UNC5D: variants seen among roughly 807,000 people sequenced by gnomAD.
The protein encoded by UNC5D is unc-5 netrin receptor D.
In UNC5D, 39 loss-of-function variants were observed where a neutral mutation model predicts 105.4. The ratio of observed to expected loss-of-function variants is 0.37; its 90% confidence interval spans 0.29 to 0.48. The LOEUF is 0.48. UNC5D is among the 20% of genes least tolerant of loss of function. The pLI, the probability that UNC5D is intolerant of heterozygous loss-of-function variation, is 0.98. For synonymous variants in UNC5D, 452 were observed against 450.4 expected (o/e 1.00, Z -0.04); for missense variants, 991 against 1,202.4 (o/e 0.82, Z 2.60).
chr8:35,616,400 A>ATG (rs1200130062), intron 4 of UNC5D, among the ~76,000 whole-genome samples: 9 of 152,160 alleles, frequency 5.9e-5, no homozygotes, highest in African/African-American at 1.9e-4. Context: ...GCATTTATGA[A>ATG]TGTGTGTGTG....
chr8:35,387,812 G>A (rs1293930391), intron 1 of UNC5D, among the ~76,000 whole-genome samples: 1 of 152,156 alleles, frequency 6.6e-6, no homozygotes, highest in African/African-American at 2.4e-5. Flanking sequence ...TATGCAAGAA[G>A]AATTAGCTAT....
rs770005378 is a variant in UNC5D at position 35,686,623 on chromosome 8, C to G, written c.998C>G (p.Thr333Arg). ...ECEHLRIREC[T>R]APPPRNGGKF... ...GAACATTTGCGGATCCGGGAGTGCA[C>G]AGCACCACCCCCGAGAAATGGGGGC... is the stretch of plus-strand genomic sequence containing the variant. Residue 333 changes from threonine (T) to arginine (R), a missense_variant, in exon 7 of 17, where the codon ACA (threonine) becomes AGA (arginine). By Grantham distance (71) the Thr-to-Arg change is moderately conservative. Transcript: ENST00000404895. The G allele has an allele frequency of 1.6e-5, 25 of 1,608,192 alleles. No individual in the cohort carries two copies. Among genetic ancestry groups the G allele is most frequent in the Non-Finnish European group, 2.1e-5 (25 of 1,178,404 alleles).
At chr8:35,463,033 G>A (rs1212812074) in intron 1 of UNC5D, among the ~76,000 whole-genome samples, 1 of 152,128 alleles carries the variant, frequency 6.6e-6, no homozygotes, top group East Asian at 1.9e-4. Flanking sequence ...TCTTTGGATT[G>A]GATAGAGGCT....
chr8:35,246,324 G>A (rs995416199), intron 1 of UNC5D, among the ~76,000 whole-genome samples: 8 of 152,246 alleles, frequency 5.3e-5, no homozygotes, highest in Admixed American at 6.5e-5. Flanking sequence ...GAAATTGCAG[G>A]ACAAGTTAAT....
At chr8:35,617,242 T>A (rs947902934) in intron 4 of UNC5D, among the ~76,000 whole-genome samples, 1 of 152,214 alleles carries the variant, frequency 6.6e-6, no homozygotes, top group East Asian at 1.9e-4. Flanking sequence ...ATCATCTGTT[T>A]AGGAAGAAAT....
intron 4 of UNC5D, among the ~76,000 whole-genome samples, chr8:35,627,596 C>T (rs568226125): frequency 6.6e-6 from 1 of 152,208 alleles, no homozygotes; most frequent in South Asian, 2.1e-4. Flanking sequence ...ATAAGAAATT[C>T]CATGAGCCAT....
rs1462861966 is a variant in UNC5D at position 35,473,810 on chromosome 8, A to C, written c.104-75482A>C. ...GTGTGTCTTTGTGTTGCTATAACAG[A>C]ATATGTGAGCCTGGCTAATGTATTG... On this transcript the variant is annotated intron_variant, in intron 1 of 16. Transcript: ENST00000404895. Among the ~76,000 whole-genome samples the C allele has an allele frequency of 3.3e-5, 5 of 152,160 alleles. 1 individual carries two copies. The South Asian group carries it at 6.2e-4, about 19-fold the overall frequency.
In UNC5D at chr8:35,350,251, T is replaced by C. The variant is rs897103171; in HGVS notation, c.103+114364T>C. Among the ~76,000 whole-genome samples the C allele has an allele frequency of 1.4e-4, 21 of 152,020 alleles. No homozygotes were observed. In the East Asian group the frequency reaches 4.1e-3, roughly 29 times the overall value. On this transcript the variant is annotated intron_variant, in intron 1 of 16. Coordinates refer to ENST00000404895, the MANE Select transcript of UNC5D (RefSeq NM_080872.4). ...GAAATAATTTAAGTGTCCATTAACT[T>C]AAGCATGGATAAACAAATTGTAGCA... is the stretch of plus-strand genomic sequence containing the variant.
At chr8:35,491,087 G>A (rs1811187161) in intron 1 of UNC5D, among the ~76,000 whole-genome samples, 1 of 151,646 alleles carries the variant, frequency 6.6e-6, no homozygotes, top group South Asian at 2.1e-4. Context: ...GAACTTCGCT[G>A]CTTTAATATT....
chr8:35,729,602 G>T (rs984013657), intron 10 of UNC5D, among the ~76,000 whole-genome samples: 2 of 152,182 alleles, frequency 1.3e-5, no homozygotes, highest in Non-Finnish European at 2.9e-5. Context: ...ATGTATTTAG[G>T]TTGACTTCCG....
intron 7 of UNC5D, among the ~76,000 whole-genome samples, chr8:35,701,920 T>C (rs1827232168): frequency 6.7e-6 from 1 of 148,590 alleles, no homozygotes; most frequent in South Asian, 2.1e-4. Flanking sequence ...CAATATATAA[T>C]ATATATATTT....
At chr8:35,240,631 G>C (rs780241021) in intron 1 of UNC5D, among the ~76,000 whole-genome samples, 1 of 152,162 alleles carries the variant, frequency 6.6e-6, no homozygotes. Flanking sequence ...TTAGGACATA[G>C]TAGGGCCTAG....
chr8:35,535,647 C>T (rs1015874542), intron 1 of UNC5D, among the ~76,000 whole-genome samples: 2 of 152,040 alleles, frequency 1.3e-5, no homozygotes, highest in South Asian at 2.1e-4. Flanking sequence ...AAAAAAAATA[C>T]GTAAAATATT....
At chr8:35,746,349 T>A (rs73586731) in intron 11 of UNC5D, among the ~76,000 whole-genome samples, 11,069 of 152,206 alleles carry the variant, frequency 0.073, 1,089 homozygotes, top group African/African-American at 0.23. Flanking sequence ...GAAAAGGGCA[T>A]ATTGTTATTA....
intron 3 of UNC5D, among the ~76,000 whole-genome samples, chr8:35,576,225 C>A (rs965257713): frequency 2.6e-5 from 4 of 152,184 alleles, no homozygotes; most frequent in African/African-American, 7.2e-5. Flanking sequence ...CTGCATGGGT[C>A]ACACATCCAT....
chr8:35,476,821 A>G (rs1810137192), intron 1 of UNC5D, among the ~76,000 whole-genome samples: 1 of 152,128 alleles, frequency 6.6e-6, no homozygotes, highest in Non-Finnish European at 1.5e-5. Flanking sequence ...TTTTGCATAC[A>G]TATTTTTTTC....
chr8:35,457,691 A>T lies in UNC5D; in HGVS notation c.104-91601A>T, dbSNP rs1293799187. Among the ~76,000 whole-genome samples the T allele has an allele frequency of 2.0e-5, 3 of 152,096 alleles. No individual in the cohort carries two copies. The South Asian group carries it at 6.2e-4, about 31-fold the overall frequency. ...AATGCCCCAAATCTATAAGAAAGGG[A>T]CATGACTGAGGGAAGTTCTCTGCTG... is the stretch of plus-strand genomic sequence containing the variant. On this transcript the variant is annotated intron_variant, in intron 1 of 16. Coordinates refer to ENST00000404895, the MANE Select transcript of UNC5D (RefSeq NM_080872.4).
chr8:35,457,262 G>A (rs1808558525), intron 1 of UNC5D, among the ~76,000 whole-genome samples: 1 of 152,074 alleles, frequency 6.6e-6, no homozygotes, highest in African/African-American at 2.4e-5. Flanking sequence ...TAATTGGAAA[G>A]ATTCTTTGGT....
intron 1 of UNC5D, among the ~76,000 whole-genome samples, chr8:35,319,482 G>A (rs1442179457): frequency 6.6e-6 from 1 of 152,072 alleles, no homozygotes; most frequent in East Asian, 1.9e-4. Context: ...TAATAAGATG[G>A]TCTCTTTCCT....
Sources: allele counts gnomAD v4.1 joint callset (sites outside exome capture counted in the v4.1 genomes callset), GRCh38; gene constraint gnomAD v4.1.1; transcripts MANE v1.5; gene names NCBI Gene and HGNC (gene_info 2026-07-23, HGNC 2026-07-21).